The following AUTS2 variants were observed in gnomAD, a reference collection of about 807,000 sequenced individuals.
AUTS2 encodes autism susceptibility gene 2 protein.
Under a neutral mutation model 112.4 loss-of-function variants are expected in AUTS2, and 17 were observed. The ratio of observed to expected loss-of-function variants is 0.15; its 90% CI spans 0.10 to 0.23. The LOEUF (loss-of-function observed/expected upper bound fraction) is 0.23. Ranked by LOEUF, AUTS2 falls within the 10% of genes least tolerant of loss-of-function variation. AUTS2 has a pLI of 1.00. For synonymous variants in AUTS2, 751 were observed against 702.7 expected (o/e 1.07, Z -1.09); for missense variants, 1,510 against 1,701.6 (o/e 0.89, Z 1.98).
intron 6 of AUTS2, among the ~76,000 whole-genome samples, chr7:70,732,481 C>T (rs1787477904): frequency 1.3e-5 from 2 of 152,282 alleles, no homozygotes; most frequent in Middle Eastern, 3.4e-3. Context: ...ATCACAGGGC[C>T]AGGTCCTTTC....
At chr7:70,731,763 C>T (rs1485660616) in intron 6 of AUTS2, among the ~76,000 whole-genome samples, 1 of 151,950 alleles carries the variant, frequency 6.6e-6, no homozygotes, top group Non-Finnish European at 1.5e-5. Context: ...ATTTGTTGCT[C>T]CATTTGGTTT....
chr7:69,725,064 G>A (rs1786441587), intron 1 of AUTS2, among the ~76,000 whole-genome samples: 1 of 152,140 alleles, frequency 6.6e-6, no homozygotes, highest in African/African-American at 2.4e-5. Flanking sequence ...TCAGTACCAA[G>A]TAAATTCTAA....
At chr7:70,080,030 A>G (rs1283794547) in intron 2 of AUTS2, among the ~76,000 whole-genome samples, 3 of 152,048 alleles carry the variant, frequency 2.0e-5, no homozygotes, top group African/African-American at 7.2e-5. Context: ...AACATTTCCC[A>G]TTATGTTCCA....
At chr7:69,634,978 A>G (rs1794449360) in intron 1 of AUTS2, among the ~76,000 whole-genome samples, 1 of 150,448 alleles carries the variant, frequency 6.6e-6, no homozygotes, top group South Asian at 2.1e-4. Context: ...GTCATGGTTC[A>G]AAGTCTAGAT....
rs577796570 is a variant in AUTS2 at position 69,688,239 on chromosome 7, A to G, written c.309+88277A>G. ...GGATTCCCTTCAGTGCGGAGTAAAC[A>G]GGTTTCCCAGTCAGGGGAGCATGCT... is the stretch of plus-strand genomic sequence containing the variant. On this transcript the variant is annotated intron_variant, in intron 1 of 18. Coordinates refer to ENST00000342771, the MANE Select transcript of AUTS2 (RefSeq NM_015570.4). Among the ~76,000 whole-genome samples, 15 of 152,358 alleles carry G rather than the reference A, an allele frequency of 9.8e-5. 1 individual carries two copies. In the South Asian group the frequency reaches 1.9e-3, roughly 19 times the overall value.
intron 4 of AUTS2, among the ~76,000 whole-genome samples, chr7:70,414,707 A>C (rs552732058): frequency 6.6e-6 from 1 of 152,260 alleles, no homozygotes; most frequent in South Asian, 2.1e-4. Flanking sequence ...CACACCGAAA[A>C]GGCCTGTCAG....
intron 5 of AUTS2, among the ~76,000 whole-genome samples, chr7:70,557,369 A>G (rs1380238680): frequency 6.6e-6 from 1 of 152,166 alleles, no homozygotes; most frequent in Non-Finnish European, 1.5e-5. Context: ...CAGTGCTCCC[A>G]GCTCCCAGCC....
intron 4 of AUTS2, among the ~76,000 whole-genome samples, chr7:70,246,038 C>G (rs1401494779): frequency 6.6e-6 from 1 of 151,932 alleles, no homozygotes; most frequent in Non-Finnish European, 1.5e-5. Flanking sequence ...TAATCTATGT[C>G]TTTATTTTAA....
chr7:70,305,695 T>C (rs1475817885), intron 4 of AUTS2, among the ~76,000 whole-genome samples: 2 of 152,246 alleles, frequency 1.3e-5, no homozygotes, highest in African/African-American at 4.8e-5. Flanking sequence ...AGACCTATGC[T>C]GATCTCCTTG....
chr7:69,637,407 A>G (rs1794598915), intron 1 of AUTS2, among the ~76,000 whole-genome samples: 1 of 152,218 alleles, frequency 6.6e-6, no homozygotes, highest in South Asian at 2.1e-4. Flanking sequence ...TCAGAAGTGG[A>G]TTAAATCCTG....
At chr7:69,712,037 T>G (rs1184244448) in intron 1 of AUTS2, among the ~76,000 whole-genome samples, 1 of 152,202 alleles carries the variant, frequency 6.6e-6, no homozygotes, top group Non-Finnish European at 1.5e-5. Flanking sequence ...ATAAGCCATA[T>G]TTAGGCATCA....
chr7:69,806,198 T>C (rs888921251), intron 1 of AUTS2, among the ~76,000 whole-genome samples: 2 of 56,216 alleles, frequency 3.6e-5, no homozygotes, highest in African/African-American at 1.8e-4. Context: ...CAGCCAAGGC[T>C]TTTTTTTTTT....
chr7:69,921,333 T>G (rs1437685576), intron 2 of AUTS2, among the ~76,000 whole-genome samples: 1 of 147,556 alleles, frequency 6.8e-6, no homozygotes, highest in Non-Finnish European at 1.5e-5. Context: ...TGAAGTTTTT[T>G]TTTTTTTTTT....
intron 2 of AUTS2, among the ~76,000 whole-genome samples, chr7:69,904,955 G>A (rs1437508945): frequency 1.3e-5 from 2 of 152,166 alleles, no homozygotes; most frequent in Non-Finnish European, 2.9e-5. Flanking sequence ...ATCTAGGCTT[G>A]TCTGTGTTCA....
At chr7:70,556,496 C>T (rs1261316304) in intron 5 of AUTS2, among the ~76,000 whole-genome samples, 1 of 152,172 alleles carries the variant, frequency 6.6e-6, no homozygotes, top group Non-Finnish European at 1.5e-5. Flanking sequence ...TTGTGACAAT[C>T]GCAGCTGTGA....
intron 4 of AUTS2, among the ~76,000 whole-genome samples, chr7:70,373,624 G>T (rs1332971593): frequency 6.6e-6 from 1 of 152,136 alleles, no homozygotes; most frequent in Non-Finnish European, 1.5e-5. Context: ...TCTAGGCATG[G>T]TTTGCTGGAC....
chr7:70,053,036 C>A (rs1188546214), intron 2 of AUTS2, among the ~76,000 whole-genome samples: 1 of 152,118 alleles, frequency 6.6e-6, no homozygotes, highest in African/African-American at 2.4e-5. Context: ...TCAGGCTGTG[C>A]TATTTGCTTC....
At chr7:70,064,451 T>G (rs1006941994) in intron 2 of AUTS2, among the ~76,000 whole-genome samples, 6 of 152,206 alleles carry the variant, frequency 3.9e-5, no homozygotes, top group African/African-American at 1.4e-4. Context: ...TGGCTGCTTT[T>G]TGGCCTTGGA....
chr7:69,688,855 A>G (rs1797174409), intron 1 of AUTS2, among the ~76,000 whole-genome samples: 1 of 152,232 alleles, frequency 6.6e-6, no homozygotes, highest in Non-Finnish European at 1.5e-5. Context: ...ATGTGTCCAT[A>G]TCAACAATAC....
Sources: allele counts gnomAD v4.1 joint callset (sites outside exome capture counted in the v4.1 genomes callset), GRCh38; gene constraint gnomAD v4.1.1; transcripts MANE v1.5; gene names NCBI Gene and HGNC (gene_info 2026-07-23, HGNC 2026-07-21).